The following DNM3 variants were observed in gnomAD, a reference collection of about 807,000 sequenced individuals.
DNM3 encodes the protein dynamin-3.
Under a neutral mutation model 101.6 loss-of-function variants are expected in DNM3, and 47 were observed. The ratio of observed to expected loss-of-function variants is 0.46; its 90% CI spans 0.37 to 0.59. The LOEUF (loss-of-function observed/expected upper bound fraction) is 0.59, where lower values mean the gene tolerates loss of function less well. Ranked by LOEUF, DNM3 falls within the 20% of genes least tolerant of loss-of-function variation. The probability of loss-of-function intolerance (pLI) is 0.00; values close to 1 mark genes in which losing one functional copy is unlikely to be tolerated. For missense variants in DNM3, 849 were observed against 1,085.7 expected (o/e 0.78, Z 3.06); for synonymous variants, 385 against 387.9 (o/e 0.99, Z 0.09).
At chr1:171,867,190 A>G (rs942348034) in intron 1 of DNM3, among the ~76,000 whole-genome samples, 1 of 152,214 alleles carries the variant, frequency 6.6e-6, no homozygotes, top group Admixed American at 6.5e-5. Context: ...AAGGAGCTGA[A>G]GGTCAGGCTT....
chr1:171,899,267 T>C (rs993313994), intron 1 of DNM3, among the ~76,000 whole-genome samples: 2 of 152,186 alleles, frequency 1.3e-5, no homozygotes, highest in African/African-American at 4.8e-5. Context: ...GAAAGCTCTA[T>C]TGTGAGATGC....
intron 14 of DNM3, among the ~76,000 whole-genome samples, chr1:172,223,287 T>C (rs1218507183): frequency 1.9e-4 from 28 of 150,462 alleles, no homozygotes; most frequent in African/African-American, 6.6e-4. Context: ...TTTTTTTTTT[T>C]TACTATCAAC....
intron 15 of DNM3, among the ~76,000 whole-genome samples, chr1:172,275,490 A>AG (rs1338263239): frequency 6.6e-6 from 1 of 152,058 alleles, no homozygotes; most frequent in Non-Finnish European, 1.5e-5. Context: ...AGAAAAAAAA[A>AG]CTTGAGAAAG....
intron 2 of DNM3, among the ~76,000 whole-genome samples, chr1:171,983,564 C>T (rs2045000083): frequency 6.6e-6 from 1 of 152,042 alleles, no homozygotes; most frequent in African/African-American, 2.4e-5. Context: ...ATCTCCTGAC[C>T]TCTAAACTTT....
At chr1:172,188,394 C>T (rs2059593444) in intron 14 of DNM3, among the ~76,000 whole-genome samples, 1 of 152,100 alleles carries the variant, frequency 6.6e-6, no homozygotes, top group Non-Finnish European at 1.5e-5. Flanking sequence ...ACAAATGGGA[C>T]TGGCTCTCTA....
chr1:172,354,112 T>TGAGAGAGAGAGAGAGAGA (rs71563205), intron 17 of DNM3, among the ~76,000 whole-genome samples: 1,710 of 94,876 alleles, frequency 0.018, 49 homozygotes, highest in East Asian at 0.056. Context: ...TGTGTGTGTG[T>TGAGAGAGAGAGAGAGAGA]GAGAGAGAGA....
chr1:172,395,113 A>AAATT (rs1431295986), intron 20 of DNM3, among the ~76,000 whole-genome samples: 1 of 152,166 alleles, frequency 6.6e-6, no homozygotes, highest in Non-Finnish European at 1.5e-5. Context: ...TCCAAGCAAC[A>AAATT]AATTAGAAGA....
intron 15 of DNM3, among the ~76,000 whole-genome samples, chr1:172,268,443 C>G (rs1450685814): frequency 6.6e-6 from 1 of 152,106 alleles, no homozygotes; most frequent in Non-Finnish European, 1.5e-5. Context: ...TTTCCCAATT[C>G]TCAATACTGC....
chr1:172,323,406 G>T, intron 17 of DNM3, 66 bp downstream of exon 17: 1 of 1,550,466 alleles, frequency 6.4e-7, no homozygotes, highest in Non-Finnish European at 8.8e-7. Context: ...TGCATGTCTT[G>T]ACAAGAGTGT....
In DNM3 at chr1:171,987,708, A is replaced by G. The variant is rs1239910456; in HGVS notation, c.288A>G (p.Glu96=). The change falls in exon 3 of 21, where the codon GAA becomes GAG. Residue 96 remains glutamate, a synonymous_variant. Coordinates refer to ENST00000627582, the MANE Select transcript of DNM3 (RefSeq NM_015569.5). ...CKGKKFTDFD[E]VRLEIEAETD... ...GAAAGAAATTTACAGATTTTGATGAAGTTCGCCTTGAGATTGAAGCAGAAA... is the reference window on the plus strand; with the variant it reads ...GAAAGAAATTTACAGATTTTGATGAGGTTCGCCTTGAGATTGAAGCAGAAA... The G allele has an allele frequency of 6.3e-7, 1 of 1,599,598 alleles. No homozygotes were observed. Among genetic ancestry groups the G allele is most frequent in the Non-Finnish European group, 8.5e-7 (1 of 1,173,740 alleles).
chr1:172,082,559 A>T (rs970962150), intron 12 of DNM3, among the ~76,000 whole-genome samples: 6 of 152,296 alleles, frequency 3.9e-5, no homozygotes, highest in African/African-American at 1.4e-4. Context: ...TAATCTTGAT[A>T]TCACCTCTAA....
chr1:171,937,753 A>G (rs970693802), intron 2 of DNM3, among the ~76,000 whole-genome samples: 4 of 115,372 alleles, frequency 3.5e-5, no homozygotes, highest in Non-Finnish European at 8.3e-5. Context: ...TATTTTTTGT[A>G]CAGAGATGGG....
chr1:172,261,514 C>T (rs1413617033), intron 15 of DNM3, among the ~76,000 whole-genome samples: 1 of 152,234 alleles, frequency 6.6e-6, no homozygotes, highest in Non-Finnish European at 1.5e-5. Context: ...GGCCAGTGTG[C>T]ACTGGTGCTG....
chr1:172,303,643 C>T (rs2064593396), intron 15 of DNM3, among the ~76,000 whole-genome samples: 1 of 152,140 alleles, frequency 6.6e-6, no homozygotes. Flanking sequence ...GGTCGGGTTA[C>T]CCACAAAGGG....
intron 11 of DNM3, among the ~76,000 whole-genome samples, chr1:172,081,603 A>C (rs2053155025): frequency 6.6e-6 from 1 of 152,200 alleles, no homozygotes; most frequent in African/African-American, 2.4e-5. Context: ...TTATAATGCT[A>C]TTCTCTTCAT....
chr1:171,894,628 C>G (rs1036177044), intron 1 of DNM3, among the ~76,000 whole-genome samples: 3 of 152,062 alleles, frequency 2.0e-5, no homozygotes, highest in Non-Finnish European at 4.4e-5. Context: ...GGTACATGTG[C>G]ACAATGTGCA....
At chr1:171,937,166 C>T (rs1017410886) in intron 2 of DNM3, among the ~76,000 whole-genome samples, 3 of 152,272 alleles carry the variant, frequency 2.0e-5, no homozygotes, top group Non-Finnish European at 4.4e-5. Context: ...TGAATAACAA[C>T]ATTGAAAACA....
chr1:171,866,482 A>G (rs949367794), intron 1 of DNM3, among the ~76,000 whole-genome samples: 2 of 151,914 alleles, frequency 1.3e-5, no homozygotes, highest in South Asian at 4.2e-4. Flanking sequence ...TGAATCCAGC[A>G]AATCTGTACT....
chr1:172,308,724 C>A lies in DNM3; in HGVS notation c.1770-4C>A. On this transcript the variant is annotated splice_region_variant and splice_polypyrimidine_tract_variant and intron_variant, in intron 15 of 20. Transcript: ENST00000627582. ...AGCATGATTTTTTTTTTTTTTAACT[C>A]CAGGAATGTATACAAAGACTATCGC... The A allele has an allele frequency of 6.5e-7, 1 of 1,531,844 alleles. No homozygotes were observed. The highest frequency in any genetic ancestry group is 8.8e-7 in the Non-Finnish European group (1 of 1,139,258). The allele number at this position is 1,531,844 out of a possible 1,614,324, so 94.9% of individuals were successfully genotyped here. A position where few individuals can be genotyped will look rare whatever the true frequency, so the allele number is the denominator to read the frequency against.
Sources: gnomAD v4.1 joint callset for allele counts (sites outside exome capture counted in the v4.1 genomes callset) on GRCh38, gnomAD v4.1.1 for gene constraint, MANE v1.5 for transcripts, NCBI Gene and HGNC (gene_info 2026-07-23, HGNC 2026-07-21) for gene names.